The following CRPPA variants were observed in gnomAD, a reference collection of about 807,000 sequenced individuals.
CRPPA encodes CDP-L-ribitol pyrophosphorylase A.
CRPPA carries 43 observed loss-of-function variants against 52.0 expected under a neutral mutation model. The observed-to-expected ratio is 0.83, with a 90% CI of 0.65 to 1.07. The LOEUF (loss-of-function observed/expected upper bound fraction) is 1.07, where lower values mean the gene tolerates loss of function less well. CRPPA is among the 50% of genes least tolerant of loss of function. The pLI is 0.00. For missense variants in CRPPA, 629 were observed against 551.7 expected, an observed-to-expected ratio of 1.14 and a Z score of -1.40; for synonymous variants, 250 against 203.5, an observed-to-expected ratio of 1.23 and a Z score of -1.94.
At chr7:16,313,033 T>C (rs1164997264) in intron 3 of CRPPA, among the ~76,000 whole-genome samples, 1 of 151,968 alleles carries the variant, frequency 6.6e-6, no homozygotes, top group Non-Finnish European at 1.5e-5. Context: ...CATAGTTTCC[T>C]TGTAACACCT....
intron 1 of CRPPA, among the ~76,000 whole-genome samples, chr7:16,415,086 G>A (rs60989361): frequency 0.27 from 40,793 of 152,056 alleles, 5,741 homozygotes; most frequent in South Asian, 0.38. Context: ...CTCAGATACT[G>A]GTGGGTTCAG....
At chr7:16,356,626 A>ATT (rs1482786162) in intron 3 of CRPPA, among the ~76,000 whole-genome samples, 4 of 152,074 alleles carry the variant, frequency 2.6e-5, no homozygotes, top group African/African-American at 9.7e-5. Context: ...GCCAATAGAG[A>ATT]CTACATTTCA....
intron 9 of CRPPA, among the ~76,000 whole-genome samples, chr7:16,198,977 C>A (rs2128392917): frequency 6.6e-6 from 1 of 152,274 alleles, no homozygotes; most frequent in Non-Finnish European, 1.5e-5. Flanking sequence ...CTGTTTCCAG[C>A]CTCTCTGAGT....
At chr7:16,349,212 G>A (rs1786088002) in intron 3 of CRPPA, among the ~76,000 whole-genome samples, 1 of 152,150 alleles carries the variant, frequency 6.6e-6, no homozygotes. Context: ...GTACTGCCAG[G>A]ATGTGGCACA....
At chr7:16,301,517 C>A in intron 4 of CRPPA, 51 bp from the exon 5 acceptor site, 1 of 1,393,102 alleles carries the variant, frequency 7.2e-7, no homozygotes, top group Non-Finnish European at 1.0e-6. Flanking sequence ...AAGGAATGTG[C>A]AAGCAATAAA....
chr7:16,205,155 A>T (rs745419282), intron 9 of CRPPA, among the ~76,000 whole-genome samples: 1 of 152,190 alleles, frequency 6.6e-6, no homozygotes, highest in Non-Finnish European at 1.5e-5. Context: ...AATTCACAAC[A>T]ACGGCCACAT....
At chr7:16,420,979 G>A (rs1184897696) in intron 1 of CRPPA, 87 bp downstream of exon 1, 1 of 1,149,282 alleles carries the variant, frequency 8.7e-7, no homozygotes, top group Non-Finnish European at 1.1e-6. Flanking sequence ...TCCCCCAAGT[G>A]AAGGTGCTAG....
chr7:16,222,595 A>G (rs1223499908), intron 8 of CRPPA, among the ~76,000 whole-genome samples: 2 of 152,160 alleles, frequency 1.3e-5, no homozygotes, highest in Non-Finnish European at 2.9e-5. Flanking sequence ...TACATCTACT[A>G]AGAAATTAAT....
chr7:16,399,352 G>A (rs1318242380), intron 2 of CRPPA, among the ~76,000 whole-genome samples: 1 of 151,822 alleles, frequency 6.6e-6, no homozygotes, highest in Non-Finnish European at 1.5e-5. Context: ...ACACATGACT[G>A]ACATGATTGA....
intron 5 of CRPPA, among the ~76,000 whole-genome samples, chr7:16,294,581 A>G (rs1330630155): frequency 1.3e-5 from 2 of 152,008 alleles, no homozygotes; most frequent in Non-Finnish European, 1.5e-5. Context: ...CAGATTCACA[A>G]AACATACAGT....
intron 3 of CRPPA, among the ~76,000 whole-genome samples, chr7:16,357,529 C>T (rs1280352698): frequency 6.6e-6 from 1 of 152,102 alleles, no homozygotes; most frequent in Non-Finnish European, 1.5e-5. Context: ...TCTGTGGCTC[C>T]ACTATTCTAG....
At chr7:16,322,175 A>T (rs1363128414) in intron 3 of CRPPA, among the ~76,000 whole-genome samples, 3 of 152,096 alleles carry the variant, frequency 2.0e-5, no homozygotes, top group African/African-American at 7.2e-5. Flanking sequence ...AAAATACCAA[A>T]TCTAATATAC....
chr7:16,150,234 G>A (rs1241800878), intron 9 of CRPPA, among the ~76,000 whole-genome samples: 1 of 152,076 alleles, frequency 6.6e-6, no homozygotes, highest in Non-Finnish European at 1.5e-5. Flanking sequence ...TGAATATTTA[G>A]TGGAATAGGA....
chr7:16,256,899 C>G (rs879733869), intron 8 of CRPPA, among the ~76,000 whole-genome samples: 8 of 152,030 alleles, frequency 5.3e-5, no homozygotes, highest in Non-Finnish European at 1.0e-4. Context: ...TACCCCAGAA[C>G]TTAAAGTATA....
intron 2 of CRPPA, among the ~76,000 whole-genome samples, chr7:16,388,994 T>C (rs1298447347): frequency 6.6e-6 from 1 of 152,084 alleles, no homozygotes; most frequent in Non-Finnish European, 1.5e-5. Context: ...AACTACAAAC[T>C]ATATTCCAGC....
chr7:16,337,038 G>A (rs1024113398), intron 3 of CRPPA, among the ~76,000 whole-genome samples: 1 of 151,928 alleles, frequency 6.6e-6, no homozygotes, highest in African/African-American at 2.4e-5. Context: ...AATAGTAGGG[G>A]ACCTCTATAT....
At chr7:16,167,674 GA>G (rs1224758537) in intron 9 of CRPPA, among the ~76,000 whole-genome samples, 4 of 152,090 alleles carry the variant, frequency 2.6e-5, no homozygotes, top group Admixed American at 1.3e-4. Context: ...TGACACCTTG[GA>G]AAAAAACCAA....
chr7:16,393,748 A>G (rs182565240), intron 2 of CRPPA, among the ~76,000 whole-genome samples: 22 of 152,316 alleles, frequency 1.4e-4, no homozygotes, highest in Admixed American at 8.5e-4. Context: ...ATGCTTATTT[A>G]TCACAACACA....
chr7:16,330,691 A>G (rs1378009186), intron 3 of CRPPA, among the ~76,000 whole-genome samples: 2 of 152,126 alleles, frequency 1.3e-5, no homozygotes, highest in African/African-American at 4.8e-5. Context: ...TCATACTACT[A>G]ATATGGGAGA....
Sources: gnomAD v4.1 joint callset for allele counts (sites outside exome capture counted in the v4.1 genomes callset) on GRCh38, gnomAD v4.1.1 for gene constraint, MANE v1.5 for transcripts, NCBI Gene and HGNC (gene_info 2026-07-23, HGNC 2026-07-21) for gene names.